TTC34: variants seen among roughly 807,000 people sequenced by gnomAD.
TTC34 encodes the protein tetratricopeptide repeat protein 34.
Under a neutral mutation model 40.7 loss-of-function variants are expected in TTC34, and 44 were observed. That is an observed-to-expected ratio of 1.08 (90% CI 0.85 to 1.39). The LOEUF is 1.39. Ranked by LOEUF, TTC34 falls within the 40% of genes most tolerant of loss-of-function variation. TTC34 has a pLI of 0.00. For synonymous variants in TTC34, 422 were observed against 398.6 expected (o/e 1.06, Z -0.70); for missense variants, 884 against 838.0 (o/e 1.05, Z -0.68).
chr1:2,688,223 C>T (rs1468529970), intron 6 of TTC34, among the ~76,000 whole-genome samples: 261 of 128,614 alleles, frequency 2.0e-3, no homozygotes, highest in Admixed American at 3.8e-3. Flanking sequence ...AGGGGAGCAT[C>T]CGACAGCCTG....
rs905003220 is a variant in TTC34 at position 2,645,015 on chromosome 1, C to T, written c.2497+278G>A. 6.6e-6 allele frequency among the ~76,000 whole-genome samples: 1 copy of T among 152,112 alleles called. No individual in the cohort carries two copies. Among genetic ancestry groups the T allele is most frequent in the Non-Finnish European group, 1.5e-5 (1 of 68,016 alleles). On this transcript the variant is annotated intron_variant, in intron 7 of 8. Transcript: ENST00000401095. The surrounding 1 kb of genome is among the most constrained non-coding windows in gnomAD (Gnocchi z 4.7). ...GGAGGTGCATGGATGAATGAGGGGG[C>T]TGAGGGTCCAAGACCTTTCAAAGAC...
chr1:2,693,207 T>C (rs1389482905), intron 6 of TTC34, among the ~76,000 whole-genome samples: 8 of 71,744 alleles, frequency 1.1e-4, no homozygotes, highest in South Asian at 5.3e-4. Flanking sequence ...CATCTGATGG[T>C]CTGGAGCAGA....
chr1:2,687,194 A>C (rs1640401709), intron 6 of TTC34, among the ~76,000 whole-genome samples: 1 of 144,046 alleles, frequency 6.9e-6, no homozygotes, highest in Non-Finnish European at 1.5e-5. Context: ...CCCACGGAGC[A>C]GCACCCACAC....
intron 2 of TTC34, among the ~76,000 whole-genome samples, chr1:2,792,684 G>A (rs144550579): frequency 6.6e-6 from 1 of 152,330 alleles, no homozygotes; most frequent in East Asian, 1.9e-4. Flanking sequence ...CAGTTCTGTA[G>A]GCTGGAGATT....
intron 6 of TTC34, among the ~76,000 whole-genome samples, chr1:2,778,367 G>GCC (rs974706553): frequency 3.3e-5 from 5 of 152,194 alleles, no homozygotes; most frequent in Non-Finnish European, 5.9e-5. Flanking sequence ...AAAGTGCAGG[G>GCC]CCCCGGGGCT....
At chr1:2,642,646 G>A (rs993346627) in intron 8 of TTC34, among the ~76,000 whole-genome samples, 4 of 152,230 alleles carry the variant, frequency 2.6e-5, no homozygotes, top group African/African-American at 9.6e-5. Flanking sequence ...GAATCTGCAG[G>A]GGTTCCCCGC....
intron 2 of TTC34, among the ~76,000 whole-genome samples, chr1:2,797,268 C>G (rs1006060522): frequency 6.6e-6 from 1 of 152,184 alleles, no homozygotes; most frequent in African/African-American, 2.4e-5. Flanking sequence ...GCAGCTAATA[C>G]TGCCATCCTC....
intron 6 of TTC34, among the ~76,000 whole-genome samples, chr1:2,655,882 G>A (rs1262779956): frequency 2.0e-5 from 2 of 97,812 alleles, no homozygotes; most frequent in African/African-American, 7.2e-5. Flanking sequence ...ACAGCCTGGA[G>A]CAGTGCCCAA....
chr1:2,792,590 T>A (rs1225481122), intron 2 of TTC34, among the ~76,000 whole-genome samples: 1 of 152,196 alleles, frequency 6.6e-6, no homozygotes, highest in Non-Finnish European at 1.5e-5. Flanking sequence ...TGCTTTTTGG[T>A]GGACAGAGCT....
chr1:2,781,502 T>C (rs1569949678), intron 6 of TTC34, among the ~76,000 whole-genome samples: 2 of 152,356 alleles, frequency 1.3e-5, no homozygotes, highest in Non-Finnish European at 2.9e-5. Flanking sequence ...CTTTCAAATT[T>C]GGATGCTTGG....
intron 6 of TTC34, among the ~76,000 whole-genome samples, chr1:2,686,095 C>G (rs1476724091): frequency 6.0e-5 from 8 of 134,304 alleles, no homozygotes; most frequent in Non-Finnish European, 9.4e-5. Context: ...AGGCGAGCAT[C>G]TGACAGCCTG....
At chr1:2,699,405 C>A (rs1259065541) in intron 6 of TTC34, among the ~76,000 whole-genome samples, 2 of 96,924 alleles carry the variant, frequency 2.1e-5, no homozygotes, top group South Asian at 3.5e-4. Context: ...TGGAACAGCA[C>A]CCCACACCCC....
chr1:2,750,652 G>GCGAGCA (rs1641287485), intron 6 of TTC34, among the ~76,000 whole-genome samples: 1 of 103,358 alleles, frequency 9.7e-6, no homozygotes, highest in Non-Finnish European at 2.1e-5. Flanking sequence ...ACACCCCCAG[G>GCGAGCA]TGAGCATCTG....
intron 1 of TTC34, among the ~76,000 whole-genome samples, 182 bp downstream of exon 1, chr1:2,801,395 C>A (rs145473207): frequency 0.022 from 3,310 of 152,182 alleles, 61 homozygotes; most frequent in Middle Eastern, 0.068. Flanking sequence ...GGGGAGCCAC[C>A]CCAGCCCATG....
At chr1:2,749,397 C>G (rs1641243788) in intron 6 of TTC34, among the ~76,000 whole-genome samples, 3 of 138,890 alleles carry the variant, frequency 2.2e-5, no homozygotes, top group African/African-American at 8.9e-5. Flanking sequence ...GGAACAGCAC[C>G]CTGCACCCCC....
At chr1:2,750,645 C>T (rs1476691556) in intron 6 of TTC34, among the ~76,000 whole-genome samples, 3 of 63,366 alleles carry the variant, frequency 4.7e-5, no homozygotes, top group Non-Finnish European at 5.9e-5. Context: ...AGCACCCACA[C>T]CCCCAGGTGA....
intron 5 of TTC34, among the ~76,000 whole-genome samples, chr1:2,784,344 A>G (rs1643542884): frequency 6.6e-6 from 1 of 152,288 alleles, no homozygotes; most frequent in South Asian, 2.1e-4. Context: ...TACAAACTTC[A>G]AAGAGGAACC....
exon 9 of TTC34, chr1:2,640,998 G>A: frequency 5.5e-6 from 1 of 180,658 alleles, no homozygotes; most frequent in East Asian, 1.5e-4. Context: ...GACTCATGCT[G>A]GGGCAGGGAA....
intron 6 of TTC34, among the ~76,000 whole-genome samples, chr1:2,685,288 A>G (rs1640281137): frequency 9.7e-6 from 1 of 102,658 alleles, no homozygotes. Flanking sequence ...CCCCCAGGTG[A>G]GCATCCCACA....
Sources: allele counts gnomAD v4.1 joint callset (sites outside exome capture counted in the v4.1 genomes callset), GRCh38; gene constraint gnomAD v4.1.1; non-coding constraint Gnocchi (gnomAD v3.1); transcripts MANE v1.5; gene names NCBI Gene and HGNC (gene_info 2026-07-23, HGNC 2026-07-21).